LHFPL6: variants seen among roughly 807,000 people sequenced by gnomAD.
The protein encoded by LHFPL6 is LHFPL tetraspan subfamily member 6 protein.
LHFPL6 carries 9 observed loss-of-function variants against 20.6 expected under a neutral mutation model. The ratio of observed to expected loss-of-function variants is 0.44; its 90% CI spans 0.26 to 0.76. The LOEUF (loss-of-function observed/expected upper bound fraction) is 0.76. Ranked by LOEUF, LHFPL6 falls within the 30% of genes least tolerant of loss-of-function variation. The pLI is 0.20. For missense variants in LHFPL6, 218 were observed against 253.5 expected (o/e 0.86, Z 0.95); for synonymous variants, 105 against 98.7 (o/e 1.06, Z -0.38).
At chr13:39,520,642 C>CTTTGATA (rs1469515737) in intron 2 of LHFPL6, among the ~76,000 whole-genome samples, 1 of 152,150 alleles carries the variant, frequency 6.6e-6, no homozygotes, top group Non-Finnish European at 1.5e-5. Context: ...GAGTCTTTGA[C>CTTTGATA]GCTGGTAGAG....
At chr13:39,446,892 G>A (rs1393806775) in intron 2 of LHFPL6, among the ~76,000 whole-genome samples, 2 of 152,082 alleles carry the variant, frequency 1.3e-5, no homozygotes, top group Admixed American at 6.6e-5. Context: ...ACCTGAATAC[G>A]AATAAGGAGT....
chr13:39,600,476 C>T (rs1404791345), intron 2 of LHFPL6, among the ~76,000 whole-genome samples: 1 of 152,190 alleles, frequency 6.6e-6, no homozygotes, highest in Non-Finnish European at 1.5e-5. Context: ...CCCGAGGATT[C>T]CATGAAGACA....
intron 2 of LHFPL6, among the ~76,000 whole-genome samples, chr13:39,440,735 C>T (rs2138413372): frequency 1.3e-5 from 2 of 152,170 alleles, no homozygotes; most frequent in East Asian, 3.9e-4. Flanking sequence ...TATGGTTTGG[C>T]TGTGTCCCCC....
chr13:39,573,219 T>G (rs906170512), intron 2 of LHFPL6, among the ~76,000 whole-genome samples: 1 of 152,152 alleles, frequency 6.6e-6, no homozygotes, highest in African/African-American at 2.4e-5. Context: ...GGAATAGAGA[T>G]TCATTCTTGC....
chr13:39,439,295 T>C (rs1041345442), intron 2 of LHFPL6, among the ~76,000 whole-genome samples: 4 of 152,228 alleles, frequency 2.6e-5, no homozygotes, highest in African/African-American at 9.6e-5. Flanking sequence ...CCCCTTCTTT[T>C]GACCAATTTC....
chr13:39,344,462 T>C (rs1869337201), intron 3 of LHFPL6, among the ~76,000 whole-genome samples: 1 of 152,194 alleles, frequency 6.6e-6, no homozygotes, highest in Admixed American at 6.5e-5. Flanking sequence ...AAAGGGCCAC[T>C]TTGAGGAGGC....
At chr13:39,413,697 T>G (rs1423087985) in intron 2 of LHFPL6, among the ~76,000 whole-genome samples, 1 of 151,900 alleles carries the variant, frequency 6.6e-6, no homozygotes, top group Non-Finnish European at 1.5e-5. Context: ...AACTCTAACA[T>G]GCATATTGAC....
intron 2 of LHFPL6, among the ~76,000 whole-genome samples, chr13:39,465,819 T>C (rs1345560829): frequency 6.6e-6 from 1 of 152,130 alleles, no homozygotes; most frequent in Admixed American, 6.5e-5. Flanking sequence ...AGGAGGCAGC[T>C]GCATGGTGAG....
chr13:39,354,481 G>A (rs569084515), intron 3 of LHFPL6, among the ~76,000 whole-genome samples: 135 of 152,332 alleles, frequency 8.9e-4, no homozygotes, highest in Non-Finnish European at 1.8e-3. Context: ...CAGAAAGTCA[G>A]AGGGTCTCCT....
At chr13:39,576,381 A>C (rs547453340) in intron 2 of LHFPL6, among the ~76,000 whole-genome samples, 1 of 152,350 alleles carries the variant, frequency 6.6e-6, no homozygotes, top group Admixed American at 6.5e-5. Flanking sequence ...ATTAAGCATT[A>C]GTTCCAATTT....
chr13:39,587,513 G>A (rs1207220728), intron 2 of LHFPL6, among the ~76,000 whole-genome samples: 1 of 151,998 alleles, frequency 6.6e-6, no homozygotes, highest in South Asian at 2.1e-4. Flanking sequence ...TGTGATTTTG[G>A]TCTAGTCACC....
At chr13:39,473,549 A>C (rs890804407) in intron 2 of LHFPL6, among the ~76,000 whole-genome samples, 9 of 151,836 alleles carry the variant, frequency 5.9e-5, no homozygotes, top group African/African-American at 2.2e-4. Context: ...ATTTCTTCCA[A>C]TATAAATGTG....
intron 2 of LHFPL6, among the ~76,000 whole-genome samples, chr13:39,388,498 C>G (rs189827911): frequency 2.3e-4 from 35 of 152,278 alleles, no homozygotes; most frequent in Middle Eastern, 6.8e-3. Flanking sequence ...GAAATTACAT[C>G]TGATTGAAAG....
intron 2 of LHFPL6, among the ~76,000 whole-genome samples, chr13:39,397,136 AG>A (rs1870864421): frequency 6.6e-6 from 1 of 152,118 alleles, no homozygotes; most frequent in Non-Finnish European, 1.5e-5. Flanking sequence ...TTACCCTCTT[AG>A]GCAATAAGTT....
chr13:39,428,227 A>G (rs1253461789), intron 2 of LHFPL6, among the ~76,000 whole-genome samples: 1 of 152,226 alleles, frequency 6.6e-6, no homozygotes, highest in Non-Finnish European at 1.5e-5. Context: ...TGCTGGCCTT[A>G]TAAAATGAAT....
At chr13:39,504,284 T>C (rs866693324) in intron 2 of LHFPL6, among the ~76,000 whole-genome samples, 1 of 152,238 alleles carries the variant, frequency 6.6e-6, no homozygotes, top group South Asian at 2.1e-4. Context: ...TGAATAAGAT[T>C]AGTAGATCCA....
chr13:39,403,263 C>T (rs1163964043), intron 2 of LHFPL6, among the ~76,000 whole-genome samples: 1 of 152,204 alleles, frequency 6.6e-6, no homozygotes, highest in Non-Finnish European at 1.5e-5. Flanking sequence ...CCAAGCAGCT[C>T]TCCATTTCCT....
intron 2 of LHFPL6, among the ~76,000 whole-genome samples, chr13:39,421,350 T>A (rs1566107521): frequency 6.6e-6 from 1 of 152,228 alleles, no homozygotes. Context: ...TTACTAAATG[T>A]TGAATTCTAC....
intron 2 of LHFPL6, among the ~76,000 whole-genome samples, chr13:39,535,932 A>G (rs181508767): frequency 7.8e-4 from 119 of 152,338 alleles, no homozygotes; most frequent in African/African-American, 2.5e-3. Flanking sequence ...AGGAGAGATC[A>G]GAATAAATGT....
Sources: gnomAD v4.1 joint callset for allele counts (sites outside exome capture counted in the v4.1 genomes callset) on GRCh38, gnomAD v4.1.1 for gene constraint, MANE v1.5 for transcripts, NCBI Gene and HGNC (gene_info 2026-07-23, HGNC 2026-07-21) for gene names.